Variants in CRYGB observed in about 807,000 individuals in gnomAD.
The protein encoded by CRYGB is gamma-crystallin B.
Under a neutral mutation model 21.3 loss-of-function variants are expected in CRYGB, and 19 were observed. That is an observed-to-expected ratio of 0.89 (90% CI 0.62 to 1.31). The LOEUF (loss-of-function observed/expected upper bound fraction) is 1.31, where lower values mean the gene tolerates loss of function less well. CRYGB is among the 50% of genes most tolerant of loss of function. The pLI, the probability that CRYGB is intolerant of heterozygous loss-of-function variation, is 0.00. For synonymous variants in CRYGB, 81 were observed against 81.2 expected, an observed-to-expected ratio of 1.00 and a Z score of 0.01; for missense variants, 254 against 228.4, an observed-to-expected ratio of 1.11 and a Z score of -0.72.
chr2:208,143,000 C>G (rs1240745030), intron 2 of CRYGB, 87 bp from the exon 3 acceptor site: 2 of 1,436,150 alleles, frequency 1.4e-6, no homozygotes, highest in Non-Finnish European at 1.9e-6. Context: ...CCTGGCCACA[C>G]CTGCCCAGAA....
intron 2 of CRYGB, 25 bp downstream of exon 2, chr2:208,145,749 A>C (rs765718436): frequency 6.4e-7 from 1 of 1,564,014 alleles, no homozygotes; most frequent in Non-Finnish European, 8.6e-7. Context: ...AAAAAGATGG[A>C]AGGCAAAGAC....
intron 2 of CRYGB, 127 bp from the exon 3 acceptor site, chr2:208,143,040 C>G: frequency 9.5e-7 from 1 of 1,050,588 alleles, no homozygotes; most frequent in East Asian, 2.5e-5. Context: ...GCTTCTAGAA[C>G]AACCCTGTTG....
chr2:208,145,816 C>CA lies in CRYGB; in HGVS notation c.209dup (p.Met70IlefsTer29), dbSNP rs757390739. ...AGGAGCGGATGGAGTCGCTGAGGCCCATCCATTGCTGGTAGTCAGGGTACT... is the reference window on the plus strand; with the variant it reads ...AGGAGCGGATGGAGTCGCTGAGGCCCAATCCATTGCTGGTAGTCAGGGTACT... On this transcript the variant is annotated frameshift_variant, in exon 2 of 3. Transcript: ENST00000260988. LOFTEE classifies it high-confidence loss of function. 26 of 1,613,834 alleles carry CA rather than the reference C, an allele frequency of 1.6e-5. No homozygotes were observed. The highest frequency in any genetic ancestry group is 2.2e-5 in the Non-Finnish European group (26 of 1,180,020).
chr2:208,145,988 T>C lies in CRYGB; in HGVS notation c.38A>G (p.Gln13Arg). The stretch of plus-strand genomic sequence containing the variant: ...AGTGGTGCATTCGTAGCTGCGGCCC[T>C]GGAAGGCCCTGTCCTCGTAGAAGGT... ...KITFYEDRAF[Q>R]GRSYECTTDC... is the part of the protein sequence containing the mutation. Residue 13 changes from glutamine (Q) to arginine (R), a missense_variant, in exon 2 of 3, where the codon CAG becomes CGG. Physicochemically the swap from Gln to Arg is conservative, Grantham distance 43. Transcript: ENST00000260988. 1 of 1,614,192 alleles carries C rather than the reference T, an allele frequency of 6.2e-7. No homozygotes were observed.
At chr2:208,143,729 C>T (rs4485502) in intron 2 of CRYGB, among the ~76,000 whole-genome samples, 63,536 of 151,754 alleles carry the variant, frequency 0.42, 13,873 homozygotes, top group South Asian at 0.5. Flanking sequence ...TCTTAAACTC[C>T]GTCAGGAGTT....
Position 208,142,747 on chromosome 2 carries a change from T to C in CRYGB, c.419A>G (p.Tyr140Cys). 1 of 1,614,120 alleles carries C rather than the reference T, an allele frequency of 6.2e-7. No homozygotes were observed. The highest frequency in any genetic ancestry group is 8.5e-7 in the Non-Finnish European group (1 of 1,180,010). ...CCTCAGCAGATACTGCCTCCCCCTG[T>C]AGTTGGGCATCTCATAGAGGATCCA... ...GSWILYEMPN[Y>C]RGRQYLLRPG... is the part of the protein sequence containing the mutation. The change falls in exon 3 of 3, where the codon TAC (tyrosine) becomes TGC (cysteine). Residue 140 changes from tyrosine (Y) to cysteine (C), a missense_variant. Coordinates refer to ENST00000260988, the MANE Select transcript of CRYGB (RefSeq NM_005210.4).
chr2:208,142,714 T>C lies in CRYGB; in HGVS notation c.452A>G (p.Glu151Gly), dbSNP rs780114186. The C allele has an allele frequency of 6.2e-7, 1 of 1,612,910 alleles. No homozygotes were observed. The highest frequency in any genetic ancestry group is 1.1e-5 in the South Asian group (1 of 90,770). ...CCCCCAATCAAGAAACCTCCTGTAC[T>C]CCCCCGGCCTCAGCAGATACTGCCT... The part of the protein sequence containing the change: ...RGRQYLLRPG[E>G]YRRFLDWGAP... The change falls in exon 3 of 3, where the codon GAG becomes GGG. Residue 151 changes from glutamate (E) to glycine (G), a missense_variant. Coordinates refer to ENST00000260988, the MANE Select transcript of CRYGB (RefSeq NM_005210.4).
rs751470780 is a variant in CRYGB, at chr2:208,142,661, TAA to T, written c.503_504del (p.Leu168GlnfsTer21). ...WGAPNAKVGS[L>X]RRVMDLY ...CTTCAGTACAAATCCATGACTCGTCTAAGAGAGCCAACTTTGGCATTTGGAGC... is the reference window on the plus strand; with the variant it reads ...CTTCAGTACAAATCCATGACTCGTCTGAGAGCCAACTTTGGCATTTGGAGC... On this transcript the variant is annotated frameshift_variant, in exon 3 of 3. Coordinates refer to ENST00000260988, the MANE Select transcript of CRYGB (RefSeq NM_005210.4). LOFTEE classifies it high-confidence loss of function. 3.8e-6 allele frequency: 6 copies of T among 1,567,190 alleles called. No homozygotes were observed. The African/African-American group carries it at 8.2e-5, about 21-fold the overall frequency.
In CRYGB at chr2:208,145,763, G is replaced by T. The variant is rs1695451203; in HGVS notation, c.252+11C>A. 6.2e-7 allele frequency: 1 copy of T among 1,607,246 alleles called. No homozygotes were observed. The highest frequency in any genetic ancestry group is 1.1e-5 in the South Asian group (1 of 90,900). Reference sequence around the variant, plus strand: ...CAAAAAGATGGAAGGCAAAGACAGAGCCACACTCACCGGGGGGATGAGGCA... The same window carrying T: ...CAAAAAGATGGAAGGCAAAGACAGATCCACACTCACCGGGGGGATGAGGCA... On this transcript the variant is annotated intron_variant, in intron 2 of 2. Transcript: ENST00000260988.
chr2:208,143,582 AACC>A (rs911808581), intron 2 of CRYGB, among the ~76,000 whole-genome samples: 1 of 137,684 alleles, frequency 7.3e-6, no homozygotes, highest in Non-Finnish European at 1.6e-5. Flanking sequence ...AGCTCACTGC[AACC>A]TCCACCTTCT....
In CRYGB at chr2:208,145,796, C is replaced by T. The variant is rs771138657; in HGVS notation, c.230G>A (p.Arg77His). 3.1e-5 allele frequency: 50 copies of T among 1,613,152 alleles called. No homozygotes were observed. The highest frequency in any genetic ancestry group is 4.1e-5 in the Non-Finnish European group (48 of 1,179,868). The change falls in exon 2 of 3, where the codon CGC becomes CAC. Residue 77 changes from arginine to histidine, a missense_variant. Physicochemically the swap from Arg to His is conservative, Grantham distance 29. Transcript: ENST00000260988. The part of the protein sequence containing the change: ...QQWMGLSDSI[R>H]SCCLIPPHSG... Reference sequence around the variant, plus strand: ...CACCGGGGGGATGAGGCAGCAGGAGCGGATGGAGTCGCTGAGGCCCATCCA... The same window carrying T: ...CACCGGGGGGATGAGGCAGCAGGAGTGGATGGAGTCGCTGAGGCCCATCCA...
chr2:208,146,128 G>A lies in CRYGB; in HGVS notation c.-8C>T. On this transcript the variant is annotated 5_prime_UTR_variant, in exon 1 of 3. Coordinates refer to ENST00000260988, the MANE Select transcript of CRYGB (RefSeq NM_005210.4). ...AGGACTTACCTTTCCCATTTTGAAG[G>A]AAGTGAGCAGATGTTTTCTGGTTGC... is the stretch of plus-strand genomic sequence containing the variant. 1 of 1,614,090 alleles carries A rather than the reference G, an allele frequency of 6.2e-7. No homozygotes were observed. The highest frequency in any genetic ancestry group is 1.7e-5 in the Admixed American group (1 of 60,022).
intron 2 of CRYGB, 82 bp from the exon 3 acceptor site, chr2:208,142,995 C>T: frequency 6.9e-7 from 1 of 1,440,190 alleles, no homozygotes; most frequent in Non-Finnish European, 9.3e-7. Context: ...ACCTCCCTGG[C>T]CACACCTGCC....
In CRYGB at chr2:208,142,649, C is replaced by A. The variant is rs1194118769; in HGVS notation, c.517G>T (p.Asp173Tyr). The A allele has an allele frequency of 5.2e-6, 8 of 1,536,328 alleles. No individual in the cohort carries two copies. Among genetic ancestry groups the A allele is most frequent in the South Asian group, 5.2e-5 (4 of 76,894 alleles). ...AKVGSLRRVM[D>Y]LY ...AAAACGTAAATACTTCAGTACAAAT[C>A]CATGACTCGTCTAAGAGAGCCAACT... The change falls in exon 3 of 3, where the codon GAT (aspartate) becomes TAT (tyrosine). Residue 173 changes from aspartate to tyrosine, a missense_variant. By Grantham distance (160) the Asp-to-Tyr change is radical (BLOSUM62 -3). Transcript: ENST00000260988.
chr2:208,142,900 T>C lies in CRYGB; in HGVS notation c.266A>G (p.Tyr89Cys), dbSNP rs570465433. The C allele has an allele frequency of 1.2e-6, 2 of 1,605,614 alleles. No individual in the cohort carries two copies. Among genetic ancestry groups the C allele is most frequent in the African/African-American group, 2.7e-5 (2 of 74,780 alleles). Residue 89 changes from tyrosine to cysteine, a missense_variant, in exon 3 of 3, where the codon TAC becomes TGC. By Grantham distance (194) the Tyr-to-Cys change is radical (BLOSUM62 -2). Transcript: ENST00000260988. The part of the protein sequence containing the change: ...CCLIPPHSGA[Y>C]RMKIYDRDEL... ...ATCTCTGTCGTAGATCTTCATTCTGTAAGCGCCAGAGTGCTGGAGTGGCAG... is the reference window on the plus strand; with the variant it reads ...ATCTCTGTCGTAGATCTTCATTCTGCAAGCGCCAGAGTGCTGGAGTGGCAG...
In CRYGB at chr2:208,142,914, C is replaced by T; in HGVS notation, c.253-1G>A. 1 of 1,587,960 alleles carries T rather than the reference C, an allele frequency of 6.3e-7. No homozygotes were observed. The highest frequency in any genetic ancestry group is 8.6e-7 in the Non-Finnish European group (1 of 1,167,068). On this transcript the variant is annotated splice_acceptor_variant, in intron 2 of 2. Coordinates refer to ENST00000260988, the MANE Select transcript of CRYGB (RefSeq NM_005210.4). LOFTEE classifies it high-confidence loss of function. ...TCTTCATTCTGTAAGCGCCAGAGTG[C>T]TGGAGTGGCAGACAGAAAACGCAAG... is the stretch of plus-strand genomic sequence containing the variant.
chr2:208,143,017 C>T, intron 2 of CRYGB, 104 bp from the exon 3 acceptor site: 1 of 1,324,638 alleles, frequency 7.5e-7, no homozygotes, highest in Non-Finnish European at 1.0e-6. Context: ...AGAAGTTCTC[C>T]CAGGCCAAGT....
rs780743669 is a variant in CRYGB, at chr2:208,145,850, C to T, written c.176G>A (p.Arg59Gln). Residue 59 changes from arginine (R) to glutamine (Q), a missense_variant, in exon 2 of 3, where the codon CGG becomes CAG. Physicochemically the swap from Arg to Gln is conservative, Grantham distance 43. Coordinates refer to ENST00000260988, the MANE Select transcript of CRYGB (RefSeq NM_005210.4). ...PNYQGHQYFL[R>Q]RGEYPDYQQW... ...CTGGTAGTCAGGGTACTCCCCACGC[C>T]GCAGGAAGTACTGGTGGCCCTGGTA... The T allele has an allele frequency of 1.1e-5, 17 of 1,613,962 alleles. No homozygotes were observed. Among genetic ancestry groups the T allele is most frequent in the African/African-American group, 8.0e-5 (6 of 74,890 alleles).
intron 2 of CRYGB, 132 bp from the exon 3 acceptor site, chr2:208,143,045 C>G: frequency 1.0e-6 from 1 of 986,330 alleles, no homozygotes; most frequent in Non-Finnish European, 1.5e-6. Context: ...TAGAACAACC[C>G]TGTTGCAAAG....
Sources: allele counts gnomAD v4.1 joint callset (sites outside exome capture counted in the v4.1 genomes callset), GRCh38; gene constraint gnomAD v4.1.1; transcripts MANE v1.5; gene names NCBI Gene and HGNC (gene_info 2026-07-23, HGNC 2026-07-21).